Variants in NBEA observed in about 807,000 individuals in gnomAD.
The protein encoded by NBEA is lysosomal-trafficking regulator 2.
Under a neutral mutation model 343.4 loss-of-function variants are expected in NBEA, and 44 were observed. The observed-to-expected ratio is 0.13, with a 90% CI of 0.10 to 0.16. NBEA has a LOEUF of 0.16. NBEA is among the 10% of genes least tolerant of loss of function. The pLI is 1.00. For missense variants in NBEA, 2,555 were observed against 3,631.3 expected (o/e 0.70, Z 7.62); for synonymous variants, 1,175 against 1,238.7 (o/e 0.95, Z 1.08).
chr13:35,098,145 C>G (rs554129527), intron 10 of NBEA, among the ~76,000 whole-genome samples, 152 bp from the exon 11 acceptor site: 2 of 152,052 alleles, frequency 1.3e-5, no homozygotes, highest in African/African-American at 2.4e-5. Context: ...GAAATATATT[C>G]TTTCATAATA....
intron 1 of NBEA, among the ~76,000 whole-genome samples, chr13:34,967,195 G>A (rs895258168): frequency 6.6e-6 from 1 of 151,810 alleles, no homozygotes; most frequent in East Asian, 1.9e-4. Flanking sequence ...GATTCTAATC[G>A]TGTCTTTGCT....
chr13:35,251,364 G>T, intron 34 of NBEA: 1 of 1,027,660 alleles, frequency 9.7e-7, no homozygotes, highest in South Asian at 3.5e-5. Context: ...CCTTGGAGAG[G>T]ACTCCAATGA....
chr13:35,665,088 A>G lies in NBEA; in HGVS notation c.8366A>G (p.Asp2789Gly). 1 of 1,567,094 alleles carries G rather than the reference A, an allele frequency of 6.4e-7. No individual in the cohort carries two copies. Among genetic ancestry groups the G allele is most frequent in the Non-Finnish European group, 8.7e-7 (1 of 1,153,560 alleles). The part of the protein sequence containing the change: ...HIIGDNPNSS[D>G]YPAPRAVLTG... ...CACTGCTGCTGTTTTCTTGCAGGTG[A>G]CTATCCGGCACCAAGAGCCGTCCTC... Residue 2789 changes from aspartate (D) to glycine (G), a missense_variant, in exon 56 of 59, where the codon GAC (aspartate) becomes GGC (glycine). Asp to Gly is a moderately conservative substitution (Grantham distance 94). This residue lies in a region of NBEA where 186 missense variants were observed against 328.9 expected (regional missense o/e 0.57). Coordinates refer to ENST00000379939, the MANE Select transcript of NBEA (RefSeq NM_001385012.1).
At chr13:35,605,183 T>C (rs1278575243) in intron 47 of NBEA, among the ~76,000 whole-genome samples, 1 of 152,130 alleles carries the variant, frequency 6.6e-6, no homozygotes, top group Non-Finnish European at 1.5e-5. Flanking sequence ...TCCAGAAAAA[T>C]CATTTATATG....
At chr13:35,321,222 G>A (rs986091629) in intron 36 of NBEA, among the ~76,000 whole-genome samples, 2 of 152,054 alleles carry the variant, frequency 1.3e-5, no homozygotes, top group Admixed American at 6.5e-5. Context: ...CCTCATCTTC[G>A]TGGATTTATC....
intron 38 of NBEA, 93 bp downstream of exon 38, chr13:35,352,416 G>C: frequency 1.5e-6 from 1 of 652,276 alleles, no homozygotes; most frequent in Admixed American, 4.3e-5. Flanking sequence ...AAGTCATTTA[G>C]AAAATATAAT....
In NBEA at chr13:35,287,886, T is replaced by C. The variant is rs77269808; in HGVS notation, c.5777-2503T>C. ...TATCAAATGAGGTAGTAATAACTAG[T>C]TTAAACAGTTATTAAGAGATTCAAA... On this transcript the variant is annotated intron_variant, in intron 34 of 58. Transcript: ENST00000379939. 9.6e-3 allele frequency among the ~76,000 whole-genome samples: 1,453 copies of C among 152,132 alleles called. 24 individuals are homozygous for C. Among genetic ancestry groups the C allele is most frequent in the African/African-American group, 0.033 (1,383 of 41,520 alleles).
chr13:35,559,925 C>T (rs1314686027), intron 44 of NBEA, among the ~76,000 whole-genome samples: 1 of 87,466 alleles, frequency 1.1e-5, no homozygotes, highest in Non-Finnish European at 2.8e-5. Context: ...AGCGAGACTC[C>T]GTCTCAAAAA....
At chr13:35,650,531 G>A (rs1463645805) in intron 52 of NBEA, among the ~76,000 whole-genome samples, 5 of 152,076 alleles carry the variant, frequency 3.3e-5, no homozygotes, top group South Asian at 2.1e-4. Flanking sequence ...GTGAAACCCC[G>A]TCTCTACTAA....
chr13:35,377,000 T>A (rs1352926901), intron 38 of NBEA, among the ~76,000 whole-genome samples: 2 of 152,152 alleles, frequency 1.3e-5, no homozygotes, highest in Non-Finnish European at 2.9e-5. Context: ...AAGCCTATTA[T>A]AGTTACATAC....
intron 1 of NBEA, among the ~76,000 whole-genome samples, chr13:34,986,440 G>A (rs190121092): frequency 6.6e-6 from 1 of 150,832 alleles, no homozygotes; most frequent in Non-Finnish European, 1.5e-5. Flanking sequence ...TTGCTGAGGA[G>A]TGCTTTACTT....
Position 35,258,972 on chromosome 13 carries a change from A to G in NBEA, c.5776+26353A>G, listed in dbSNP as rs796412251. ...TGTTTGAGGTAGGCTAGGCTAAGCT[A>G]TGACATTCAGTAGGTTAGCTATATT... On this transcript the variant is annotated intron_variant, in intron 34 of 58. Transcript: ENST00000379939. Among the ~76,000 whole-genome samples, 63 of 152,296 alleles carry G rather than the reference A, an allele frequency of 4.1e-4. 1 individual carries two copies. The highest frequency in any genetic ancestry group is 1.4e-3 in the African/African-American group (59 of 41,572).
In NBEA at chr13:35,024,334, T is replaced by G. The variant is rs111230320; in HGVS notation, c.295-16599T>G. ...GTGTTGCTTTTTGGTAAAACAATTT[T>G]TATTCCTTTTGATGTATACCCAGTA... On this transcript the variant is annotated intron_variant, in intron 1 of 58. Coordinates refer to ENST00000379939, the MANE Select transcript of NBEA (RefSeq NM_001385012.1). Among the ~76,000 whole-genome samples the G allele has an allele frequency of 8.8e-3, 1,341 of 152,242 alleles. 23 individuals are homozygous for G. The highest frequency in any genetic ancestry group is 0.03 in the African/African-American group (1,265 of 41,542).
intron 35 of NBEA, among the ~76,000 whole-genome samples, chr13:35,296,541 A>T (rs2036143684): frequency 6.6e-6 from 1 of 152,006 alleles, no homozygotes; most frequent in African/African-American, 2.4e-5. Context: ...AAGAGAAGGA[A>T]TGTAGAATAT....
chr13:35,297,200 C>G (rs2036191834), intron 35 of NBEA, among the ~76,000 whole-genome samples: 1 of 151,954 alleles, frequency 6.6e-6, no homozygotes, highest in Non-Finnish European at 1.5e-5. Flanking sequence ...ATGGTTGTTC[C>G]TGTACCTCAT....
At chr13:35,290,764 T>A (rs2035755215) in intron 35 of NBEA, among the ~76,000 whole-genome samples, 1 of 151,156 alleles carries the variant, frequency 6.6e-6, no homozygotes, top group Admixed American at 6.6e-5. Flanking sequence ...TCTTAATTTA[T>A]AATTTTTAAA....
At chr13:35,385,040 T>C (rs553795048) in intron 38 of NBEA, among the ~76,000 whole-genome samples, 1 of 152,334 alleles carries the variant, frequency 6.6e-6, no homozygotes, top group South Asian at 2.1e-4. Context: ...GTCCTGTGTT[T>C]TAAACACTGC....
At chr13:34,965,429 G>C (rs988574381) in intron 1 of NBEA, among the ~76,000 whole-genome samples, 1 of 151,952 alleles carries the variant, frequency 6.6e-6, no homozygotes, top group Non-Finnish European at 1.5e-5. Flanking sequence ...ACTATTTGAA[G>C]CAGTTGGGAA....
At chr13:35,088,834 G>A (rs868110755) in intron 10 of NBEA, among the ~76,000 whole-genome samples, 69 of 146,720 alleles carry the variant, frequency 4.7e-4, no homozygotes, top group South Asian at 1.6e-3. Flanking sequence ...AATAAATGGT[G>A]CTGGGAAAAC....
Sources: gnomAD v4.1 joint callset for allele counts (sites outside exome capture counted in the v4.1 genomes callset) on GRCh38, gnomAD v4.1.1 for gene constraint, gnomAD v4.1.1 regional missense constraint, MANE v1.5 for transcripts, NCBI Gene and HGNC (gene_info 2026-07-23, HGNC 2026-07-21) for gene names.